Variants in SPATA6 observed in about 807,000 individuals in gnomAD.
The protein encoded by SPATA6 is spermatogenesis-associated protein 6.
A neutral mutation model predicts 65.3 loss-of-function variants in SPATA6; 56 were observed. The ratio of observed to expected loss-of-function variants is 0.86; its 90% CI spans 0.69 to 1.07. The LOEUF is 1.07. Ranked by LOEUF, SPATA6 falls within the 50% of genes least tolerant of loss-of-function variation. The pLI is 0.00. For missense variants in SPATA6, 590 were observed against 594.8 expected, an observed-to-expected ratio of 0.99 and a Z score of 0.08; for synonymous variants, 199 against 213.2, an observed-to-expected ratio of 0.93 and a Z score of 0.58.
At chr1:48,369,078 G>A (rs926582591) in intron 9 of SPATA6, among the ~76,000 whole-genome samples, 1 of 152,166 alleles carries the variant, frequency 6.6e-6, no homozygotes, top group Non-Finnish European at 1.5e-5. Context: ...GTTTGCCTGG[G>A]TATCAGCAGT....
intron 10 of SPATA6, among the ~76,000 whole-genome samples, chr1:48,356,507 TTTC>T (rs927637809): frequency 3.4e-5 from 5 of 149,082 alleles, no homozygotes; most frequent in Admixed American, 2.7e-4. Context: ...CAGTTTGTCC[TTTC>T]TTTTTTTTTT....
intron 11 of SPATA6, among the ~76,000 whole-genome samples, chr1:48,312,314 C>A (rs556487824): frequency 6.6e-6 from 1 of 152,262 alleles, no homozygotes; most frequent in Admixed American, 6.5e-5. Flanking sequence ...GGAGGCACCC[C>A]CCAGTAGGGG....
intron 1 of SPATA6, among the ~76,000 whole-genome samples, chr1:48,459,204 C>CAAAAAA (rs35079974): frequency 4.0e-3 from 264 of 65,402 alleles, no homozygotes; most frequent in Admixed American, 4.4e-3. Context: ...GACTCCATAT[C>CAAAAAA]AAAAAAAAAA....
At chr1:48,312,667 C>T (rs1194787549) in intron 11 of SPATA6, among the ~76,000 whole-genome samples, 1 of 152,154 alleles carries the variant, frequency 6.6e-6, no homozygotes, top group Non-Finnish European at 1.5e-5. Flanking sequence ...AATGCAGCTC[C>T]TCACCAGCAA....
chr1:48,280,699 C>T, the SPATA6 span, among the ~76,000 whole-genome samples: 8 of 152,172 alleles, frequency 5.3e-5, no homozygotes, highest in Admixed American at 1.3e-4. Context: ...CAATAGCTTA[C>T]CAACCAAAGA....
intron 9 of SPATA6, among the ~76,000 whole-genome samples, chr1:48,364,798 T>A (rs1210189294): frequency 1.3e-5 from 2 of 152,352 alleles, no homozygotes; most frequent in South Asian, 4.1e-4. Context: ...AGCTCTTTAG[T>A]TTAATTAGAT....
At chr1:48,345,644 AAAC>A (rs1646342765) in intron 11 of SPATA6, among the ~76,000 whole-genome samples, 1 of 152,120 alleles carries the variant, frequency 6.6e-6, no homozygotes, top group Admixed American at 6.6e-5. Flanking sequence ...ACAATCCTAG[AAAC>A]AACAAGGGGA....
chr1:48,356,827 AC>A (rs1201783376), intron 10 of SPATA6, among the ~76,000 whole-genome samples: 5 of 152,260 alleles, frequency 3.3e-5, no homozygotes, highest in African/African-American at 1.2e-4. Context: ...ATATGTTTAT[AC>A]AAAATATAAA....
At chr1:48,295,356 G>GGA (rs1174254287), downstream of SPATA6, 2 of 152,050 alleles carry the variant, frequency 1.3e-5, no homozygotes, top group African/African-American at 4.8e-5. Flanking sequence ...TCAATTGAAT[G>GGA]GATAAACAAA....
intron 12 of SPATA6, among the ~76,000 whole-genome samples, chr1:48,302,302 A>G (rs186748674): frequency 6.6e-6 from 1 of 152,272 alleles, no homozygotes; most frequent in East Asian, 1.9e-4. Flanking sequence ...TTCAGCTTTT[A>G]GTGTACTCAT....
At chr1:48,264,453 G>C in the SPATA6 span, among the ~76,000 whole-genome samples, 482 of 152,194 alleles carry the variant, frequency 3.2e-3, 4 homozygotes, top group Non-Finnish European at 4.9e-3. Context: ...ACGTACCATG[G>C]TGGGTTGCTG....
At chr1:48,395,443 G>C (rs1332807803) in intron 7 of SPATA6, 89 bp from the exon 8 acceptor site, 7 of 808,510 alleles carry the variant, frequency 8.7e-6, no homozygotes, top group Non-Finnish European at 1.2e-5. Context: ...CTAGAGTACA[G>C]AGAGCATATA....
chr1:48,389,188 A>G (rs532044194), intron 8 of SPATA6, among the ~76,000 whole-genome samples: 1 of 152,196 alleles, frequency 6.6e-6, no homozygotes, highest in Non-Finnish European at 1.5e-5. Context: ...TAAACCAAGC[A>G]TAAGAACCAG....
At chr1:48,376,653 CATT>C (rs1425498752) in intron 9 of SPATA6, among the ~76,000 whole-genome samples, 1 of 151,984 alleles carries the variant, frequency 6.6e-6, no homozygotes, top group East Asian at 1.9e-4. Flanking sequence ...CATGTGTTCT[CATT>C]GTTAAGTATG....
intron 1 of SPATA6, among the ~76,000 whole-genome samples, chr1:48,455,480 T>G (rs1656929785): frequency 6.6e-6 from 1 of 151,882 alleles, no homozygotes; most frequent in Admixed American, 6.6e-5. Flanking sequence ...CCTCCCAGGT[T>G]CCCGCCATTC....
chr1:48,389,472 G>T (rs947306906), intron 8 of SPATA6, among the ~76,000 whole-genome samples: 1 of 152,060 alleles, frequency 6.6e-6, no homozygotes, highest in African/African-American at 2.4e-5. Flanking sequence ...TCTTTCCCAT[G>T]GAATATTATA....
rs562002261 is a variant in SPATA6 at position 48,312,423 on chromosome 1, A to G, written c.1195-6545T>C. Among the ~76,000 whole-genome samples, 4 of 152,288 alleles carry G rather than the reference A, an allele frequency of 2.6e-5. No individual in the cohort carries two copies. In the South Asian group the frequency reaches 8.3e-4, roughly 32 times the overall value. ...CTGTTCTGCAGTCTTCGCTGCTGATACCCAGGCAAATAGGGTCTGGAATGG... is the reference window on the plus strand; with the variant it reads ...CTGTTCTGCAGTCTTCGCTGCTGATGCCCAGGCAAATAGGGTCTGGAATGG... On this transcript the variant is annotated intron_variant, in intron 11 of 12. Transcript: ENST00000371847.
chr1:48,399,144 C>A, intron 7 of SPATA6: 1 of 551,854 alleles, frequency 1.8e-6, no homozygotes. Context: ...ATTCATAACA[C>A]AGCTTGATCT....
chr1:48,390,803 C>T (rs1170067495), intron 8 of SPATA6, among the ~76,000 whole-genome samples: 3 of 152,164 alleles, frequency 2.0e-5, no homozygotes, highest in Admixed American at 6.5e-5. Context: ...TCCCAAACCA[C>T]CTAATCCAGA....
Sources: allele counts gnomAD v4.1 joint callset (sites outside exome capture counted in the v4.1 genomes callset), GRCh38; gene constraint gnomAD v4.1.1; transcripts MANE v1.5; gene names NCBI Gene and HGNC (gene_info 2026-07-23, HGNC 2026-07-21).